ATRX: variants seen among roughly 807,000 people sequenced by gnomAD.
ATRX encodes chromatin remodeler ATRX.
ATRX carries 12 observed loss-of-function variants against 172.6 expected under a neutral mutation model. The ratio of observed to expected loss-of-function variants is 0.07; its 90% confidence interval spans 0.04 to 0.11. The LOEUF (loss-of-function observed/expected upper bound fraction) is 0.11. Among genes scored for constraint, ATRX ranks in the 10% least tolerant of loss-of-function variants. The pLI, the probability that ATRX is intolerant of heterozygous loss-of-function variation, is 1.00. For missense variants in ATRX, 1,368 were observed against 1,767.4 expected (o/e 0.77, Z 4.05); for synonymous variants, 674 against 594.7 (o/e 1.13, Z -1.94).
intron 14 of ATRX, among the ~76,000 whole-genome samples, chrX:77,653,827 G>A (rs868916676): frequency 4.3e-4 from 48 of 110,984 alleles, no homozygotes; most frequent in African/African-American, 1.5e-3. Flanking sequence ...TTTGTCTTCA[G>A]AAAATAGAAC....
chrX:77,657,528 A>G (rs1313352677), intron 12 of ATRX, among the ~76,000 whole-genome samples: 2 of 111,545 alleles, frequency 1.8e-5, no homozygotes, highest in Non-Finnish European at 3.8e-5. Flanking sequence ...CCAACAACCA[A>G]AGCTAGAACA....
At chrX:77,676,644 G>A (rs1206126251) in intron 9 of ATRX, among the ~76,000 whole-genome samples, 1 of 111,942 alleles carries the variant, frequency 8.9e-6, no homozygotes, top group African/African-American at 3.2e-5. Context: ...TTTTAATTTT[G>A]ACGTTAACTG....
chrX:77,573,734 C>T (rs1396790245), intron 28 of ATRX, among the ~76,000 whole-genome samples: 3 of 111,618 alleles, frequency 2.7e-5, no homozygotes, highest in Non-Finnish European at 5.7e-5. Context: ...AAAAATTGTA[C>T]AGTCACTTTG....
intron 1 of ATRX, among the ~76,000 whole-genome samples, chrX:77,774,867 C>T (rs1160497189): frequency 2.8e-5 from 3 of 108,527 alleles, no homozygotes; most frequent in African/African-American, 1.0e-4. Context: ...TGCTCCACAC[C>T]GGCTAATTTA....
At chrX:77,587,600 G>T (rs1333194353) in intron 27 of ATRX, among the ~76,000 whole-genome samples, 2 of 111,613 alleles carry the variant, frequency 1.8e-5, no homozygotes, top group Non-Finnish European at 3.8e-5. Flanking sequence ...TGTACTTGAG[G>T]TCTTAACCAG....
chrX:77,626,681 A>G (rs1383274797), intron 19 of ATRX, among the ~76,000 whole-genome samples: 1 of 111,750 alleles, frequency 8.9e-6, no homozygotes, highest in Admixed American at 9.5e-5. Context: ...TGCAATACCA[A>G]ATAAGGAGAA....
rs896547701 is a variant in ATRX at position 77,508,144 on chromosome X, A to G, written c.*207T>C. 40 of 436,371 alleles carry G rather than the reference A, an allele frequency of 9.2e-5. No individual in the cohort carries two copies. The highest frequency in any genetic ancestry group is 1.2e-5 in the Non-Finnish European group (3 of 258,671). The allele number at this position is 436,371 out of a possible 1,213,427, so 36.0% of individuals were successfully genotyped here. On this transcript the variant is annotated 3_prime_UTR_variant, in exon 35 of 35. Transcript: ENST00000373344. ...AATATCTTCTGTACTCAGCGTGTGT[A>G]AGAAGATTCTAGGCAACATCACTGA...
chrX:77,626,388 C>T (rs781831644), intron 19 of ATRX, among the ~76,000 whole-genome samples: 40 of 109,222 alleles, frequency 3.7e-4, no homozygotes, highest in African/African-American at 1.3e-3. Context: ...CACTAAAGAA[C>T]TTACTCATGT....
rs782492218 is a variant in ATRX at position 77,784,731 on chromosome X, T to C, written c.20+1251A>G. On this transcript the variant is annotated intron_variant, in intron 1 of 34. Transcript: ENST00000373344. ...ATATCTTTCCCCAAGGTAAAGAAAA[T>C]ATAATCTACTGCTTGTTCATGCAGA... Among the ~76,000 whole-genome samples the C allele has an allele frequency of 4.5e-5, 5 of 111,710 alleles. No individual in the cohort carries two copies. The South Asian group carries it at 1.8e-3, about 41-fold the overall frequency.
At chrX:77,573,651 A>T (rs1204090445) in intron 28 of ATRX, among the ~76,000 whole-genome samples, 4 of 111,545 alleles carry the variant, frequency 3.6e-5, no homozygotes, top group African/African-American at 6.5e-5. Context: ...TAATTTTTTT[A>T]AAAAATGACA....
chrX:77,784,013 G>A (rs1474351536), intron 1 of ATRX, among the ~76,000 whole-genome samples: 1 of 112,142 alleles, frequency 8.9e-6, no homozygotes, highest in Non-Finnish European at 1.9e-5. Flanking sequence ...AATCAGAGTA[G>A]GTAATATGAA....
At chrX:77,663,650 G>GA (rs1569536722) in intron 11 of ATRX, 92 bp from the exon 12 acceptor site, 2 of 774,900 alleles carry the variant, frequency 2.6e-6, no homozygotes, top group Admixed American at 3.0e-5. Context: ...TGCAACTTAT[G>GA]AAAAAAATCA....
intron 28 of ATRX, among the ~76,000 whole-genome samples, 163 bp downstream of exon 28, chrX:77,574,087 A>G (rs908513040): frequency 3.3e-4 from 37 of 111,972 alleles, no homozygotes; most frequent in Non-Finnish European, 6.4e-4. Flanking sequence ...ATATGATTCC[A>G]TAAGTGAATT....
intron 2 of ATRX, among the ~76,000 whole-genome samples, chrX:77,716,323 A>ATTT (rs782067024): frequency 4.8e-5 from 1 of 21,039 alleles, no homozygotes; most frequent in Non-Finnish European, 8.8e-5. Flanking sequence ...AAAAAAAAAA[A>ATTT]ATATATATAT....
intron 28 of ATRX, among the ~76,000 whole-genome samples, chrX:77,564,612 C>T (rs1404305115): frequency 9.1e-6 from 1 of 110,330 alleles, no homozygotes; most frequent in Non-Finnish European, 1.9e-5. Flanking sequence ...TCTTCAACTC[C>T]TGGGCTCAAG....
At chrX:77,734,756 A>G (rs782671286) in intron 1 of ATRX, among the ~76,000 whole-genome samples, 5 of 110,752 alleles carry the variant, frequency 4.5e-5, no homozygotes, top group Non-Finnish European at 7.6e-5. Context: ...GCACCACTGC[A>G]CTCCAGCCTG....
At chrX:77,778,128 CAAA>C (rs782624226) in intron 1 of ATRX, among the ~76,000 whole-genome samples, 1 of 46,276 alleles carries the variant, frequency 2.2e-5, no homozygotes. Flanking sequence ...GACTCTGTCT[CAAA>C]AAAAAAAAAA....
At chrX:77,747,438 T>G (rs1311013872) in intron 1 of ATRX, among the ~76,000 whole-genome samples, 2 of 110,350 alleles carry the variant, frequency 1.8e-5, no homozygotes, top group Non-Finnish European at 3.8e-5. Flanking sequence ...GCATAAGAAT[T>G]GCTTGAACCC....
chrX:77,676,843 C>T (rs1416886738), intron 9 of ATRX, among the ~76,000 whole-genome samples: 1 of 111,926 alleles, frequency 8.9e-6, no homozygotes, highest in African/African-American at 3.2e-5. Context: ...TAAAGAGGGC[C>T]GGGTGAGGTG....
Sources: gnomAD v4.1 joint callset for allele counts (sites outside exome capture counted in the v4.1 genomes callset) on GRCh38, gnomAD v4.1.1 for gene constraint, MANE v1.5 for transcripts, NCBI Gene and HGNC (gene_info 2026-07-23, HGNC 2026-07-21) for gene names.